EEF1E1: variants seen among roughly 807,000 people sequenced by gnomAD.
The protein encoded by EEF1E1 is eukaryotic translation elongation factor 1 epsilon-1.
In EEF1E1, 19 loss-of-function variants were observed where a neutral mutation model predicts 19.9. That is an observed-to-expected ratio of 0.95 (90% CI 0.66 to 1.40). EEF1E1 has a LOEUF of 1.40. Ranked by LOEUF, EEF1E1 falls within the 40% of genes most tolerant of loss-of-function variation. The pLI is 0.00. For missense variants in EEF1E1, 198 were observed against 202.2 expected, an observed-to-expected ratio of 0.98 and a Z score of 0.13; for synonymous variants, 81 against 80.0, an observed-to-expected ratio of 1.01 and a Z score of -0.07.
At chr6:8,085,364 G>A (rs1382917378) in intron 3 of EEF1E1, among the ~76,000 whole-genome samples, 1 of 151,798 alleles carries the variant, frequency 6.6e-6, no homozygotes, top group African/African-American at 2.4e-5. Flanking sequence ...TGTTGCCTAG[G>A]CTGGTCTTGA....
intron 2 of EEF1E1, among the ~76,000 whole-genome samples, chr6:8,093,737 A>T (rs182297297): frequency 6.6e-6 from 1 of 152,244 alleles, no homozygotes; most frequent in African/African-American, 2.4e-5. Context: ...TTTTAAAAAT[A>T]ATAAAATAGC....
intron 1 of EEF1E1, among the ~76,000 whole-genome samples, chr6:8,101,280 A>ATATATG (rs1260764781): frequency 8.3e-6 from 1 of 121,200 alleles, no homozygotes; most frequent in African/African-American, 3.2e-5. Context: ...ATATATATAT[A>ATATATG]TATGGCACTC....
exon 4 of EEF1E1, chr6:8,073,506 C>T (rs890334650): frequency 1.9e-6 from 3 of 1,551,520 alleles, no homozygotes; most frequent in Non-Finnish European, 2.6e-6. Context: ...CCTCAGCTTC[C>T]TTATCTGCAA....
At chr6:8,088,064 C>T (rs758832572) in intron 3 of EEF1E1, among the ~76,000 whole-genome samples, 18 of 149,516 alleles carry the variant, frequency 1.2e-4, no homozygotes, top group East Asian at 9.9e-4. Flanking sequence ...GACCTCTCTA[C>T]GCCTCAGTTA....
At chr6:8,095,445 G>A in intron 2 of EEF1E1, 1 of 354,660 alleles carries the variant, frequency 2.8e-6, no homozygotes, top group Non-Finnish European at 5.9e-6. Context: ...GGAGGTTGCA[G>A]TGAGCCAAGA....
chr6:8,075,849 A>G (rs1220189068), downstream of EEF1E1, among the ~76,000 whole-genome samples: 1 of 152,366 alleles, frequency 6.6e-6, no homozygotes, highest in East Asian at 1.9e-4. Context: ...CCAACCCTGC[A>G]GCTGCTTTGT....
At position 8,097,317 on chromosome 6, in the gene EEF1E1, T is replaced by A. The variant is rs1265433708; in HGVS notation, c.238A>T (p.Thr80Ser). 2 of 1,614,194 alleles carry A rather than the reference T, an allele frequency of 1.2e-6. No individual in the cohort carries two copies. Among genetic ancestry groups the A allele is most frequent in the East Asian group, 4.5e-5 (2 of 44,872 alleles). The change falls in exon 2 of 4, where the codon ACT becomes TCT. Residue 80 changes from threonine to serine, a missense_variant. Thr to Ser is a moderately conservative substitution (Grantham distance 58). Transcript: ENST00000379715. ...IVQQWLEYRV[T>S]QVDGHSSKND... ...TTACTGGAGTGCCCATCTACTTGAG[T>A]GACCCTGTATTCTAACCACTGCTGA... is the stretch of plus-strand genomic sequence containing the variant.
intron 3 of EEF1E1, among the ~76,000 whole-genome samples, chr6:8,086,836 A>ATGGTG (rs1458053693): frequency 6.6e-6 from 1 of 152,194 alleles, no homozygotes; most frequent in Non-Finnish European, 1.5e-5. Context: ...CATGCCAGGA[A>ATGGTG]TTACCTCAGA....
rs6904298 is a variant in EEF1E1, at chr6:8,091,132, C to T, written c.289-851G>A. ...CTTTTCATAGCAGTTGCACATTTTA[C>T]ATTCCCACCAACAATGCACAAGGGT... is the stretch of plus-strand genomic sequence containing the variant. On this transcript the variant is annotated intron_variant, in intron 2 of 3. Coordinates refer to ENST00000379715, the MANE Select transcript of EEF1E1 (RefSeq NM_004280.5). Among the ~76,000 whole-genome samples the T allele has an allele frequency of 5.8e-4, 88 of 152,342 alleles. 1 individual carries two copies. The highest frequency in any genetic ancestry group is 2.0e-3 in the African/African-American group (83 of 41,580).
At chr6:8,077,013 G>T (rs1474912208), downstream of EEF1E1, among the ~76,000 whole-genome samples, 29 of 149,054 alleles carry the variant, frequency 1.9e-4, no homozygotes, top group Non-Finnish European at 3.1e-4. Context: ...CAGCGATCTC[G>T]GCTCACTGCA....
chr6:8,092,475 G>GTC (rs1758039097), intron 2 of EEF1E1, among the ~76,000 whole-genome samples: 1 of 152,054 alleles, frequency 6.6e-6, no homozygotes, highest in African/African-American at 2.4e-5. Context: ...TTCATTTAAA[G>GTC]ACAGTCAGTC....
intron 2 of EEF1E1, 146 bp downstream of exon 2, chr6:8,097,121 C>T (rs1758197875): frequency 2.5e-6 from 2 of 787,822 alleles, no homozygotes; most frequent in Non-Finnish European, 4.2e-6. Flanking sequence ...AGAGTCTGTT[C>T]CAGGCAGAGG....
downstream of EEF1E1, among the ~76,000 whole-genome samples, chr6:8,076,012 C>T (rs1192272331): frequency 6.6e-6 from 1 of 152,140 alleles, no homozygotes; most frequent in Non-Finnish European, 1.5e-5. Context: ...ATCAAGACTG[C>T]GGCAATTCAG....
intron 2 of EEF1E1, among the ~76,000 whole-genome samples, chr6:8,090,696 C>T (rs886897469): frequency 1.3e-5 from 2 of 152,202 alleles, no homozygotes; most frequent in African/African-American, 4.8e-5. Flanking sequence ...CAATAATTCA[C>T]CCATTTCCCC....
In EEF1E1 at chr6:8,089,870, T is replaced by C. The variant is rs572170586; in HGVS notation, c.384+316A>G. 16 of 307,986 alleles carry C rather than the reference T, an allele frequency of 5.2e-5. No homozygotes were observed. The South Asian group carries it at 1.6e-3, about 30-fold the overall frequency. The allele number at this position is 307,986 out of a possible 1,614,324, so 19.1% of individuals were successfully genotyped here. A position where few individuals can be genotyped will look rare whatever the true frequency, so the allele number is the denominator to read the frequency against. On this transcript the variant is annotated intron_variant, in intron 3 of 3. Transcript: ENST00000379715. ...TCACTGCTGAAGAAGGGCAGAAGCA[T>C]AGGAAAAAAATCAAGGTCAAGGAAA...
At chr6:8,097,156 G>T in intron 2 of EEF1E1, 111 bp downstream of exon 2, 1 of 1,038,646 alleles carries the variant, frequency 9.6e-7, no homozygotes, top group Non-Finnish European at 1.5e-6. Context: ...AACTACTGAG[G>T]CAGAAGGAAA....
At chr6:8,098,611 T>G (rs948932252) in intron 1 of EEF1E1, among the ~76,000 whole-genome samples, 2 of 152,190 alleles carry the variant, frequency 1.3e-5, no homozygotes, top group African/African-American at 4.8e-5. Context: ...GCTCCTTGAC[T>G]TCTCACTTTT....
intron 3 of EEF1E1, among the ~76,000 whole-genome samples, chr6:8,089,607 G>T (rs1221764798): frequency 6.6e-6 from 1 of 152,204 alleles, no homozygotes; most frequent in East Asian, 1.9e-4. Context: ...CCCAGATTAA[G>T]GTTGGGTCTG....
intron 1 of EEF1E1, among the ~76,000 whole-genome samples, chr6:8,098,180 C>T (rs1256909401): frequency 6.6e-6 from 1 of 151,710 alleles, no homozygotes; most frequent in Non-Finnish European, 1.5e-5. Flanking sequence ...AGTGCAGTGG[C>T]ATGGTCTCGG....
Sources: gnomAD v4.1 joint callset for allele counts (sites outside exome capture counted in the v4.1 genomes callset) on GRCh38, gnomAD v4.1.1 for gene constraint, MANE v1.5 for transcripts, NCBI Gene and HGNC (gene_info 2026-07-23, HGNC 2026-07-21) for gene names.